Variants in GPR158 observed in about 807,000 individuals in gnomAD.
The protein encoded by GPR158 is G protein-coupled receptor 158, also known as metabotropic glycine receptor.
GPR158 carries 30 observed loss-of-function variants against 78.2 expected under a neutral mutation model. The observed-to-expected ratio is 0.38, with a 90% CI of 0.29 to 0.52. The LOEUF (loss-of-function observed/expected upper bound fraction) is 0.52, where lower values mean the gene tolerates loss of function less well. GPR158 is among the 20% of genes least tolerant of loss of function. The pLI is 0.83. For missense variants in GPR158, 1,463 were observed against 1,523.5 expected, an observed-to-expected ratio of 0.96 and a Z score of 0.66; for synonymous variants, 581 against 591.1, an observed-to-expected ratio of 0.98 and a Z score of 0.25.
At chr10:25,366,336 A>G (rs1554797403) in intron 2 of GPR158, among the ~76,000 whole-genome samples, 1 of 150,472 alleles carries the variant, frequency 6.6e-6, no homozygotes, top group Non-Finnish European at 1.5e-5. Flanking sequence ...ATCAATTTAT[A>G]CATTCACCAG....
At position 25,263,835 on chromosome 10, in the gene GPR158, G is replaced by A. The variant is rs139372791; in HGVS notation, c.1008+42678G>A. ...GCCTGTAATCCCATCTACTCAGGAG[G>A]CTGAGGCAGGAGAATTGCTTGAACC... On this transcript the variant is annotated intron_variant, in intron 2 of 10. Coordinates refer to ENST00000376351, the MANE Select transcript of GPR158 (RefSeq NM_020752.3). 3.4e-3 allele frequency among the ~76,000 whole-genome samples: 525 copies of A among 152,218 alleles called. 2 individuals are homozygous for A. The highest frequency in any genetic ancestry group is 0.012 in the African/African-American group (513 of 41,556).
At chr10:25,239,209 G>C (rs1853570841) in intron 2 of GPR158, among the ~76,000 whole-genome samples, 1 of 152,132 alleles carries the variant, frequency 6.6e-6, no homozygotes, top group South Asian at 2.1e-4. Context: ...ATGAGCTGCT[G>C]GGGAAGCTTC....
At chr10:25,440,719 A>G (rs921625554) in intron 4 of GPR158, among the ~76,000 whole-genome samples, 1 of 152,202 alleles carries the variant, frequency 6.6e-6, no homozygotes. Flanking sequence ...AAATGTATTT[A>G]AAGTTTGTCT....
At chr10:25,313,022 G>C (rs1256488085) in intron 2 of GPR158, among the ~76,000 whole-genome samples, 1 of 151,832 alleles carries the variant, frequency 6.6e-6, no homozygotes. Context: ...GGGATCCTTT[G>C]GGGTTTGCAT....
chr10:25,501,314 A>T (rs1835943773), intron 5 of GPR158, among the ~76,000 whole-genome samples: 1 of 152,160 alleles, frequency 6.6e-6, no homozygotes, highest in South Asian at 2.1e-4. Context: ...TCTCAGCTTA[A>T]ATGCCACTTT....
At chr10:25,411,920 C>G (rs966756485) in intron 3 of GPR158, among the ~76,000 whole-genome samples, 1 of 103,386 alleles carries the variant, frequency 9.7e-6, no homozygotes, top group African/African-American at 3.9e-5. Context: ...GGCGACAGAG[C>G]GAGACTCTAT....
chr10:25,194,749 C>T (rs1046585567), intron 1 of GPR158, among the ~76,000 whole-genome samples: 2 of 151,872 alleles, frequency 1.3e-5, no homozygotes, highest in East Asian at 3.9e-4. Context: ...AATTTGGTTT[C>T]GTTATATTCC....
chr10:25,441,078 G>C (rs751519949), intron 4 of GPR158, among the ~76,000 whole-genome samples: 33 of 152,266 alleles, frequency 2.2e-4, no homozygotes, highest in Middle Eastern at 3.4e-3. Context: ...GTGGGCCTAT[G>C]GCAGTAGAAA....
intron 7 of GPR158, among the ~76,000 whole-genome samples, chr10:25,576,583 A>AGAT (rs1305587627): frequency 6.6e-6 from 1 of 152,192 alleles, no homozygotes. Context: ...ACCCTGAGAT[A>AGAT]GATAGTGCAA....
intron 4 of GPR158, among the ~76,000 whole-genome samples, chr10:25,457,119 C>A (rs905423078): frequency 1.2e-4 from 16 of 137,878 alleles, no homozygotes; most frequent in Middle Eastern, 3.3e-3. Flanking sequence ...ATTACAGGTG[C>A]CTGCCAGCCA....
chr10:25,364,789 A>T (rs1312297960), intron 2 of GPR158, among the ~76,000 whole-genome samples: 1 of 151,876 alleles, frequency 6.6e-6, no homozygotes, highest in Non-Finnish European at 1.5e-5. Flanking sequence ...CTAAGAAGAT[A>T]TAGCTACTTT....
intron 2 of GPR158, among the ~76,000 whole-genome samples, chr10:25,272,757 T>C (rs1236624580): frequency 1.3e-5 from 2 of 152,182 alleles, no homozygotes; most frequent in Non-Finnish European, 2.9e-5. Context: ...GGAAGCCTAA[T>C]TTGGAGGAAA....
At chr10:25,202,560 C>T (rs1852948410) in intron 1 of GPR158, among the ~76,000 whole-genome samples, 1 of 152,122 alleles carries the variant, frequency 6.6e-6, no homozygotes, top group South Asian at 2.1e-4. Context: ...CAGCTTCATC[C>T]ATGTCCCTAC....
At chr10:25,265,310 C>G (rs1316625481) in intron 2 of GPR158, among the ~76,000 whole-genome samples, 1 of 152,152 alleles carries the variant, frequency 6.6e-6, no homozygotes, top group Non-Finnish European at 1.5e-5. Flanking sequence ...ACATCACATT[C>G]TCTCTCTTCT....
intron 2 of GPR158, among the ~76,000 whole-genome samples, chr10:25,371,465 G>A (rs907598493): frequency 6.6e-6 from 1 of 151,620 alleles, no homozygotes. Flanking sequence ...ATACTATAAG[G>A]CTACAGTAAC....
chr10:25,542,659 C>T (rs1415215001), intron 5 of GPR158, among the ~76,000 whole-genome samples: 1 of 151,870 alleles, frequency 6.6e-6, no homozygotes, highest in Non-Finnish European at 1.5e-5. Flanking sequence ...CCCGTCTCTA[C>T]TAAAAATACA....
chr10:25,516,141 T>C (rs1836168731), intron 5 of GPR158, among the ~76,000 whole-genome samples: 1 of 152,082 alleles, frequency 6.6e-6, no homozygotes, highest in Non-Finnish European at 1.5e-5. Context: ...CATTTTTTCA[T>C]GTGTTTTTTG....
chr10:25,444,382 G>C (rs1372269367), intron 4 of GPR158, among the ~76,000 whole-genome samples: 1 of 151,222 alleles, frequency 6.6e-6, no homozygotes, highest in Admixed American at 6.6e-5. Context: ...TGTGTGGTAG[G>C]TGTGTATGGG....
chr10:25,211,119 A>G (rs1184532331), intron 1 of GPR158, among the ~76,000 whole-genome samples: 1 of 151,226 alleles, frequency 6.6e-6, no homozygotes. Flanking sequence ...TGACAGAGGG[A>G]GAGACTGTCT....
Sources: allele counts gnomAD v4.1 joint callset (sites outside exome capture counted in the v4.1 genomes callset), GRCh38; gene constraint gnomAD v4.1.1; transcripts MANE v1.5; gene names NCBI Gene and HGNC (gene_info 2026-07-23, HGNC 2026-07-21).